The following ARHGAP10 variants were observed in gnomAD, a reference collection of about 807,000 sequenced individuals.
ARHGAP10 encodes the protein Rho GTPase activating protein 10.
ARHGAP10 carries 87 observed loss-of-function variants against 108.6 expected under a neutral mutation model. The ratio of observed to expected loss-of-function variants is 0.80; its 90% CI spans 0.67 to 0.96. The LOEUF is 0.96. Among genes scored for constraint, ARHGAP10 ranks in the 40% least tolerant of loss-of-function variants. ARHGAP10 has a pLI of 0.00. For synonymous variants in ARHGAP10, 347 were observed against 341.1 expected, an observed-to-expected ratio of 1.02 and a Z score of -0.19; for missense variants, 939 against 954.5, an observed-to-expected ratio of 0.98 and a Z score of 0.21.
intron 8 of ARHGAP10, among the ~76,000 whole-genome samples, chr4:147,877,442 T>C (rs1239861053): frequency 6.6e-6 from 1 of 152,222 alleles, no homozygotes; most frequent in Non-Finnish European, 1.5e-5. Flanking sequence ...TTCCTAAAGC[T>C]AGCTAAAAGC....
At chr4:147,878,774 CTTT>C (rs11384854) in intron 8 of ARHGAP10, among the ~76,000 whole-genome samples, 3 of 124,864 alleles carry the variant, frequency 2.4e-5, no homozygotes, top group East Asian at 2.3e-4. Context: ...CCTTCTTCCT[CTTT>C]TTTTTTTTTT....
chr4:147,974,125 A>G (rs557682052), intron 18 of ARHGAP10, among the ~76,000 whole-genome samples: 1 of 152,180 alleles, frequency 6.6e-6, no homozygotes, highest in African/African-American at 2.4e-5. Context: ...AGTATTCTCC[A>G]TAGGGGTACA....
intron 18 of ARHGAP10, among the ~76,000 whole-genome samples, chr4:148,004,026 G>T (rs1011521085): frequency 8.7e-6 from 1 of 114,834 alleles, no homozygotes; most frequent in Non-Finnish European, 1.7e-5. Flanking sequence ...GTGTGAACTG[G>T]AACATCCTTT....
intron 15 of ARHGAP10, among the ~76,000 whole-genome samples, chr4:147,952,992 G>A (rs573104898): frequency 1.2e-4 from 19 of 152,042 alleles, no homozygotes; most frequent in Middle Eastern, 6.8e-3. Context: ...GTTCTAGTAC[G>A]ATTTGTAGGA....
intron 12 of ARHGAP10, among the ~76,000 whole-genome samples, chr4:147,911,717 C>T (rs766297666): frequency 1.6e-4 from 25 of 151,786 alleles, no homozygotes; most frequent in Non-Finnish European, 2.6e-4. Context: ...TACAGATATG[C>T]CAGCCTAATC....
At chr4:147,957,723 T>G (rs990900820) in intron 16 of ARHGAP10, among the ~76,000 whole-genome samples, 2 of 152,230 alleles carry the variant, frequency 1.3e-5, no homozygotes, top group Non-Finnish European at 2.9e-5. Context: ...AGGTTTCTCC[T>G]GGGTCCCATT....
At chr4:147,902,565 G>T (rs1272226865) in intron 10 of ARHGAP10, among the ~76,000 whole-genome samples, 1 of 152,012 alleles carries the variant, frequency 6.6e-6, no homozygotes, top group Non-Finnish European at 1.5e-5. Context: ...ACATGGAGAA[G>T]CCCTGTCTCT....
chr4:148,002,540 T>A (rs921262709), intron 18 of ARHGAP10, among the ~76,000 whole-genome samples: 26 of 152,152 alleles, frequency 1.7e-4, no homozygotes, highest in African/African-American at 6.3e-4. Context: ...ATCCATCTGG[T>A]CCTGGACTTT....
At chr4:147,948,953 G>A (rs1738490508) in intron 15 of ARHGAP10, among the ~76,000 whole-genome samples, 1 of 148,538 alleles carries the variant, frequency 6.7e-6, no homozygotes, top group Admixed American at 6.7e-5. Flanking sequence ...GAGACAGAGC[G>A]AGACTCTGTC....
chr4:147,917,173 TG>T (rs1737023090), intron 13 of ARHGAP10: 1 of 152,308 alleles, frequency 6.6e-6, no homozygotes, highest in Admixed American at 6.5e-5. Flanking sequence ...TTCCTTTATT[TG>T]GAAACTGTCT....
Position 147,879,274 on chromosome 4 carries a change from T to C in ARHGAP10, c.875T>C (p.Met292Thr). 6.2e-7 allele frequency: 1 copy of C among 1,614,072 alleles called. No homozygotes were observed. The highest frequency in any genetic ancestry group is 1.6e-4 in the Middle Eastern group (1 of 6,062). ...TCCAGTTGGGTCAAACACTATTGCATGTATCGAAAAGCAGCAAAGAAGTTC... is the reference window on the plus strand; with the variant it reads ...TCCAGTTGGGTCAAACACTATTGCACGTATCGAAAAGCAGCAAAGAAGTTC... ...FGSSWVKHYC[M>T]YRKAAKKFNM... The change falls in exon 9 of 23, where the codon ATG becomes ACG. Residue 292 changes from methionine (M) to threonine (T), a missense_variant. Physicochemically the swap from Met to Thr is moderately conservative, Grantham distance 81. Transcript: ENST00000336498.
chr4:147,855,466 C>T (rs1489294555), intron 4 of ARHGAP10, among the ~76,000 whole-genome samples: 4 of 151,842 alleles, frequency 2.6e-5, no homozygotes, highest in Non-Finnish European at 4.4e-5. Flanking sequence ...AAACCTAGAG[C>T]GTAAAGAAAA....
chr4:148,012,100 T>G (rs1020577721), intron 18 of ARHGAP10, among the ~76,000 whole-genome samples: 2 of 152,202 alleles, frequency 1.3e-5, no homozygotes, highest in African/African-American at 4.8e-5. Context: ...TCTACCTTCC[T>G]GTGTGTGTGG....
rs373233339 is a variant in ARHGAP10 at position 147,763,877 on chromosome 4, C to T, written c.154+31422C>T. Among the ~76,000 whole-genome samples, 6 of 151,642 alleles carry T rather than the reference C, an allele frequency of 4.0e-5. No homozygotes were observed. The East Asian group carries it at 9.8e-4, about 25-fold the overall frequency. On this transcript the variant is annotated intron_variant, in intron 1 of 22. Coordinates refer to ENST00000336498, the MANE Select transcript of ARHGAP10 (RefSeq NM_024605.4). ...TCAGGTGATTCTTGTGCCTCAGCCT[C>T]CTGAGTAGCTGGGATTACAGGCGTA...
At chr4:147,876,462 G>A (rs535878090) in intron 8 of ARHGAP10, among the ~76,000 whole-genome samples, 4 of 152,008 alleles carry the variant, frequency 2.6e-5, no homozygotes, top group South Asian at 4.2e-4. Flanking sequence ...GCGTAGTGGC[G>A]GGCACCTGTA....
intron 18 of ARHGAP10, among the ~76,000 whole-genome samples, chr4:147,992,520 G>A (rs1740317309): frequency 6.6e-6 from 1 of 152,072 alleles, no homozygotes; most frequent in Non-Finnish European, 1.5e-5. Flanking sequence ...CCATTCTCTT[G>A]TAGCCCTCCT....
chr4:147,878,774 CTTTTTTTTTT>C (rs11384854), intron 8 of ARHGAP10, among the ~76,000 whole-genome samples: 8 of 124,874 alleles, frequency 6.4e-5, no homozygotes, highest in Admixed American at 4.2e-4. Flanking sequence ...CCTTCTTCCT[CTTTTTTTTTT>C]TTTTTTTTTT....
rs186989519 is a variant in ARHGAP10, at chr4:147,751,676, T to C, written c.154+19221T>C. On this transcript the variant is annotated intron_variant, in intron 1 of 22. Coordinates refer to ENST00000336498, the MANE Select transcript of ARHGAP10 (RefSeq NM_024605.4). ...GCCACTGCACCTGGCCTTTTTTTGC[T>C]TTTTTTGGAGCACTTGTGTTTCAGA... 4.7e-3 allele frequency among the ~76,000 whole-genome samples: 710 copies of C among 151,850 alleles called. 3 individuals carry two copies. Among genetic ancestry groups the C allele is most frequent in the Non-Finnish European group, 7.3e-3 (493 of 67,962 alleles).
chr4:148,048,799 A>T (rs1729000099), intron 20 of ARHGAP10, among the ~76,000 whole-genome samples: 1 of 152,176 alleles, frequency 6.6e-6, no homozygotes, highest in African/African-American at 2.4e-5. Context: ...TCCATGCCTG[A>T]AACAAGAAGG....
Sources: gnomAD v4.1 joint callset for allele counts (sites outside exome capture counted in the v4.1 genomes callset) on GRCh38, gnomAD v4.1.1 for gene constraint, MANE v1.5 for transcripts, NCBI Gene and HGNC (gene_info 2026-07-23, HGNC 2026-07-21) for gene names.